Variants in EEFSEC observed in about 807,000 individuals in gnomAD.
EEFSEC encodes the protein selenocysteine-specific elongation factor.
Under a neutral mutation model 42.1 loss-of-function variants are expected in EEFSEC, and 43 were observed. That is an observed-to-expected ratio of 1.02 (90% CI 0.80 to 1.32). The LOEUF (loss-of-function observed/expected upper bound fraction) is 1.32, where lower values mean the gene tolerates loss of function less well. Among genes scored for constraint, EEFSEC ranks in the 40% most tolerant of loss-of-function variants. The probability of loss-of-function intolerance (pLI) is 0.00; values close to 1 mark genes in which losing one functional copy is unlikely to be tolerated. For synonymous variants in EEFSEC, 354 were observed against 339.1 expected, an observed-to-expected ratio of 1.04 and a Z score of -0.48; for missense variants, 745 against 803.6, an observed-to-expected ratio of 0.93 and a Z score of 0.88.
chr3:128,394,875 A>G (rs2067962792), intron 6 of EEFSEC, among the ~76,000 whole-genome samples: 1 of 152,194 alleles, frequency 6.6e-6, no homozygotes, highest in Admixed American at 6.5e-5. Flanking sequence ...TGTGGTCAGA[A>G]GGGCATCCTG....
At chr3:128,217,909 G>T (rs564076848) in intron 1 of EEFSEC, among the ~76,000 whole-genome samples, 1 of 152,286 alleles carries the variant, frequency 6.6e-6, no homozygotes, top group Non-Finnish European at 1.5e-5. Context: ...CCACTTGGCT[G>T]CACAACTCTT....
At chr3:128,166,643 A>G (rs1003678310) in intron 1 of EEFSEC, among the ~76,000 whole-genome samples, 25 of 152,038 alleles carry the variant, frequency 1.6e-4, no homozygotes, top group African/African-American at 5.1e-4. Context: ...GGTGACTACC[A>G]CAGGCCCTTA....
intron 6 of EEFSEC, among the ~76,000 whole-genome samples, chr3:128,399,549 G>A (rs1022154774): frequency 6.6e-6 from 1 of 152,104 alleles, no homozygotes; most frequent in Non-Finnish European, 1.5e-5. Flanking sequence ...TTACATACGG[G>A]ATCCATAGCT....
chr3:128,248,598 C>A (rs1036188409), intron 2 of EEFSEC, among the ~76,000 whole-genome samples: 2 of 152,124 alleles, frequency 1.3e-5, no homozygotes, highest in South Asian at 4.1e-4. Context: ...AAAATTATAT[C>A]TTCTTTTTAG....
intron 6 of EEFSEC, among the ~76,000 whole-genome samples, chr3:128,362,847 A>G (rs1296267972): frequency 6.6e-6 from 1 of 152,238 alleles, no homozygotes; most frequent in Non-Finnish European, 1.5e-5. Flanking sequence ...AAGGGTACTC[A>G]TATCTCAGGC....
chr3:128,379,220 G>A (rs1019769017), intron 6 of EEFSEC, among the ~76,000 whole-genome samples: 5 of 152,180 alleles, frequency 3.3e-5, no homozygotes, highest in Admixed American at 2.0e-4. Flanking sequence ...CCGTCCTGAC[G>A]GAGGAGCACC....
At chr3:128,335,876 G>A (rs920537320) in intron 4 of EEFSEC, among the ~76,000 whole-genome samples, 1 of 152,188 alleles carries the variant, frequency 6.6e-6, no homozygotes, top group Non-Finnish European at 1.5e-5. Flanking sequence ...AGCTACAAGA[G>A]GACAAGGAGA....
At chr3:128,291,456 A>G (rs1339009808) in intron 4 of EEFSEC, among the ~76,000 whole-genome samples, 1 of 152,160 alleles carries the variant, frequency 6.6e-6, no homozygotes, top group African/African-American at 2.4e-5. Flanking sequence ...TGCCACTTGA[A>G]GCCTTCTGCT....
rs57615201 is a variant in EEFSEC at position 128,191,255 on chromosome 3, C to T, written c.316+37432C>T. On this transcript the variant is annotated intron_variant, in intron 1 of 6. Transcript: ENST00000254730. ...ATATAAAGTTTCCTTTTTTGGGGGG[C>T]TATTTTTTATTTTTAAATTTATTTG... is the stretch of plus-strand genomic sequence containing the variant. Among the ~76,000 whole-genome samples the T allele has an allele frequency of 5.3e-5, 8 of 151,820 alleles. No homozygotes were observed. In the East Asian group the frequency reaches 1.5e-3, roughly 29 times the overall value.
chr3:128,385,503 C>T (rs1348611062), intron 6 of EEFSEC, among the ~76,000 whole-genome samples: 1 of 152,244 alleles, frequency 6.6e-6, no homozygotes, highest in Non-Finnish European at 1.5e-5. Flanking sequence ...GACCCACAGG[C>T]AGCAGATTGT....
intron 1 of EEFSEC, among the ~76,000 whole-genome samples, chr3:128,234,956 T>C (rs906541765): frequency 1.6e-4 from 25 of 152,284 alleles, no homozygotes; most frequent in African/African-American, 5.5e-4. Context: ...TAGAACTTAA[T>C]AACAGTGTTT....
intron 6 of EEFSEC, among the ~76,000 whole-genome samples, chr3:128,362,491 C>T (rs938685953): frequency 7.9e-5 from 12 of 152,358 alleles, no homozygotes; most frequent in Admixed American, 5.2e-4. Context: ...GTGTACCTGC[C>T]AAGATGTGGC....
chr3:128,381,646 C>T (rs942474270), intron 6 of EEFSEC, among the ~76,000 whole-genome samples: 3 of 152,182 alleles, frequency 2.0e-5, no homozygotes, highest in African/African-American at 7.2e-5. Context: ...CTTCCTGGAG[C>T]TTCCACAGAA....
At chr3:128,377,257 C>CTT (rs60299968) in intron 6 of EEFSEC, among the ~76,000 whole-genome samples, 1 of 150,200 alleles carries the variant, frequency 6.7e-6, no homozygotes, top group Non-Finnish European at 1.5e-5. Context: ...ATTATACAAA[C>CTT]TTTTTTTTTT....
chr3:128,293,062 T>C (rs968509296), intron 4 of EEFSEC, among the ~76,000 whole-genome samples: 3 of 152,254 alleles, frequency 2.0e-5, no homozygotes, highest in Non-Finnish European at 4.4e-5. Flanking sequence ...AGTGTTCTTC[T>C]TACTTTGCAA....
At chr3:128,375,775 G>A (rs555925874) in intron 6 of EEFSEC, among the ~76,000 whole-genome samples, 1 of 152,296 alleles carries the variant, frequency 6.6e-6, no homozygotes, top group Admixed American at 6.5e-5. Context: ...CTCATTCCAC[G>A]ACTGGGCTGG....
chr3:128,252,079 A>G (rs1454527952), intron 2 of EEFSEC, among the ~76,000 whole-genome samples: 1 of 152,140 alleles, frequency 6.6e-6, no homozygotes, highest in Non-Finnish European at 1.5e-5. Flanking sequence ...ATCTGACAGC[A>G]TCCTTGATAC....
chr3:128,324,071 C>G (rs992323635), intron 4 of EEFSEC, among the ~76,000 whole-genome samples: 6 of 152,162 alleles, frequency 3.9e-5, no homozygotes, highest in African/African-American at 1.4e-4. Flanking sequence ...GGCCTGGGTC[C>G]CTCAGCTGAA....
At chr3:128,416,937 C>T in the EEFSEC span, among the ~76,000 whole-genome samples, 2 of 152,130 alleles carry the variant, frequency 1.3e-5, no homozygotes, top group African/African-American at 2.4e-5. Context: ...AAGCCTGGTG[C>T]CGCGGGTTCC....
Sources: allele counts gnomAD v4.1 joint callset (sites outside exome capture counted in the v4.1 genomes callset), GRCh38; gene constraint gnomAD v4.1.1; transcripts MANE v1.5; gene names NCBI Gene and HGNC (gene_info 2026-07-23, HGNC 2026-07-21).